TUSC3: variants seen among roughly 807,000 people sequenced by gnomAD.
TUSC3 encodes tumor suppressor candidate 3.
TUSC3 carries 45 observed loss-of-function variants against 44.8 expected under a neutral mutation model. The ratio of observed to expected loss-of-function variants is 1.00; its 90% CI spans 0.79 to 1.29. The LOEUF (loss-of-function observed/expected upper bound fraction) is 1.29, where lower values mean the gene tolerates loss of function less well. TUSC3 is among the 50% of genes most tolerant of loss of function. TUSC3 has a pLI of 0.00. For missense variants in TUSC3, 519 were observed against 437.9 expected (o/e 1.19, Z -1.65); for synonymous variants, 212 against 152.9 (o/e 1.39, Z -2.85).
Position 15,679,857 on chromosome 8 carries a change from A to G in TUSC3, c.798+6021A>G, listed in dbSNP as rs575112298. Among the ~76,000 whole-genome samples, 5 of 151,744 alleles carry G rather than the reference A, an allele frequency of 3.3e-5. No homozygotes were observed. In the East Asian group the frequency reaches 9.7e-4, roughly 29 times the overall value. On this transcript the variant is annotated intron_variant, in intron 6 of 10. Coordinates refer to ENST00000503731, the MANE Select transcript of TUSC3 (RefSeq NM_006765.4). ...TTTATTGAATAGGTGTTTATTCCCC[A>G]TTGTTTGTGTAGACTTTGTCAAAGA...
chr8:15,556,590 C>T (rs1196509649), intron 1 of TUSC3, among the ~76,000 whole-genome samples: 1 of 147,108 alleles, frequency 6.8e-6, no homozygotes, highest in Non-Finnish European at 1.5e-5. Context: ...CTGACTTCCA[C>T]AATGGTTGAA....
At chr8:15,558,854 C>T (rs565940151) in intron 1 of TUSC3, among the ~76,000 whole-genome samples, 2 of 150,342 alleles carry the variant, frequency 1.3e-5, no homozygotes, top group South Asian at 2.1e-4. Context: ...GTGGTGATAT[C>T]CCCTTTATCA....
chr8:15,428,397 C>A (rs2129116448), intron 1 of TUSC3, among the ~76,000 whole-genome samples: 1 of 151,864 alleles, frequency 6.6e-6, no homozygotes, highest in South Asian at 2.1e-4. Context: ...GGTTCCAAGT[C>A]TTTGCTATTG....
At chr8:15,786,435 AAG>A in the TUSC3 span, among the ~76,000 whole-genome samples, 4 of 152,194 alleles carry the variant, frequency 2.6e-5, no homozygotes, top group African/African-American at 4.8e-5. Flanking sequence ...GAAGCTATAA[AAG>A]AGAGAAAGTA....
chr8:15,539,949 TG>T (rs1240572710), upstream of TUSC3, among the ~76,000 whole-genome samples: 2 of 152,170 alleles, frequency 1.3e-5, no homozygotes, highest in South Asian at 2.1e-4. Flanking sequence ...TAGAGATTGC[TG>T]GGGACCGCAG....
intron 1 of TUSC3, among the ~76,000 whole-genome samples, chr8:15,540,885 G>A (rs1490095353): frequency 6.6e-6 from 1 of 152,206 alleles, no homozygotes; most frequent in Admixed American, 6.5e-5. Flanking sequence ...GGGGTGTGTT[G>A]GATGTGAAAA....
chr8:15,620,104 C>T (rs955289662), intron 1 of TUSC3, among the ~76,000 whole-genome samples: 4 of 151,992 alleles, frequency 2.6e-5, no homozygotes, highest in African/African-American at 9.7e-5. Flanking sequence ...ATACCATTGT[C>T]GATTAACTTG....
At chr8:15,721,510 G>C (rs748437957) in intron 6 of TUSC3, among the ~76,000 whole-genome samples, 4 of 151,924 alleles carry the variant, frequency 2.6e-5, no homozygotes, top group Non-Finnish European at 5.9e-5. Flanking sequence ...TACGTGATGT[G>C]ACAGCTACAA....
intron 1 of TUSC3, among the ~76,000 whole-genome samples, chr8:15,420,456 C>T (rs1799724704): frequency 1.3e-5 from 2 of 151,894 alleles, no homozygotes; most frequent in Non-Finnish European, 1.5e-5. Flanking sequence ...CGAGATCATG[C>T]CACTGCACTC....
chr8:15,461,214 T>A (rs1381731233), intron 1 of TUSC3, among the ~76,000 whole-genome samples: 1 of 152,140 alleles, frequency 6.6e-6, no homozygotes, highest in Non-Finnish European at 1.5e-5. Flanking sequence ...CATTGTTTTG[T>A]AGTTTTTCTT....
chr8:15,777,002 C>G, the TUSC3 span, among the ~76,000 whole-genome samples: 1 of 152,026 alleles, frequency 6.6e-6, no homozygotes, highest in Non-Finnish European at 1.5e-5. Context: ...GGTGCCGTAT[C>G]TCATGTAGAC....
rs180795931 is a variant in TUSC3, at chr8:15,661,932, T to C, written c.568-224T>C. ...AGCTGATAAGCACATGAAAAGATGCTCAGCATTGTTAGTCATCAGGGAAGT... is the reference window on the plus strand; with the variant it reads ...AGCTGATAAGCACATGAAAAGATGCCCAGCATTGTTAGTCATCAGGGAAGT... On this transcript the variant is annotated intron_variant, in intron 4 of 10. Transcript: ENST00000503731. Among the ~76,000 whole-genome samples the C allele has an allele frequency of 1.8e-4, 28 of 152,096 alleles. No homozygotes were observed. The East Asian group carries it at 4.1e-3, about 22-fold the overall frequency.
intron 2 of TUSC3, among the ~76,000 whole-genome samples, chr8:15,510,811 G>A (rs1235551979): frequency 6.6e-6 from 1 of 151,992 alleles, no homozygotes; most frequent in East Asian, 1.9e-4. Flanking sequence ...TCATGACTAT[G>A]GACACAAACA....
At chr8:15,504,898 C>T (rs979032864) in intron 2 of TUSC3, among the ~76,000 whole-genome samples, 4 of 151,728 alleles carry the variant, frequency 2.6e-5, no homozygotes, top group African/African-American at 9.7e-5. Context: ...GTGATTCGCC[C>T]ACTTCAGCCT....
At chr8:15,489,774 T>C (rs1183060208) in intron 2 of TUSC3, among the ~76,000 whole-genome samples, 1 of 152,216 alleles carries the variant, frequency 6.6e-6, no homozygotes, top group African/African-American at 2.4e-5. Context: ...TCTGACCCTC[T>C]CTTCCCATCG....
chr8:15,796,625 C>T, the TUSC3 span, among the ~76,000 whole-genome samples: 18 of 152,178 alleles, frequency 1.2e-4, no homozygotes, highest in Admixed American at 1.2e-3. Context: ...CAGCCATAGG[C>T]ATTTAGGGGA....
At chr8:15,463,135 G>C (rs952429619) in intron 1 of TUSC3, among the ~76,000 whole-genome samples, 3 of 151,628 alleles carry the variant, frequency 2.0e-5, no homozygotes, top group East Asian at 3.9e-4. Context: ...ACATTTAGAA[G>C]ACTCCTGTTT....
At chr8:15,515,191 G>A (rs1407410246) in intron 2 of TUSC3, among the ~76,000 whole-genome samples, 1 of 152,068 alleles carries the variant, frequency 6.6e-6, no homozygotes, top group African/African-American at 2.4e-5. Context: ...GGCTACTTGG[G>A]AGTTGAATTT....
chr8:15,422,749 C>T (rs1475776197), intron 1 of TUSC3, among the ~76,000 whole-genome samples: 2 of 151,934 alleles, frequency 1.3e-5, no homozygotes, highest in South Asian at 2.1e-4. Flanking sequence ...TTCCCCCAGG[C>T]GCCCCACCTC....
Sources: allele counts gnomAD v4.1 joint callset (sites outside exome capture counted in the v4.1 genomes callset), GRCh38; gene constraint gnomAD v4.1.1; transcripts MANE v1.5; gene names NCBI Gene and HGNC (gene_info 2026-07-23, HGNC 2026-07-21).